Variants in WWOX observed in about 807,000 individuals in gnomAD.
The protein encoded by WWOX is WW domain containing oxidoreductase.
Under a neutral mutation model 46.2 loss-of-function variants are expected in WWOX, and 69 were observed. That is an observed-to-expected ratio of 1.49 (90% confidence interval 1.23 to 1.82). The LOEUF is 1.82. WWOX is among the 40% of genes most tolerant of loss of function. The pLI is 0.00. For synonymous variants in WWOX, 359 were observed against 202.6 expected, an observed-to-expected ratio of 1.77 and a Z score of -6.56; for missense variants, 919 against 542.6, an observed-to-expected ratio of 1.69 and a Z score of -6.89.
At chr16:78,822,854 A>G (rs2051541237) in intron 8 of WWOX, among the ~76,000 whole-genome samples, 1 of 152,124 alleles carries the variant, frequency 6.6e-6, no homozygotes, top group Non-Finnish European at 1.5e-5. Flanking sequence ...GTCATTTGTA[A>G]ATTAGGGAGG....
At chr16:78,995,473 A>G (rs755917208) in intron 8 of WWOX, among the ~76,000 whole-genome samples, 4 of 152,154 alleles carry the variant, frequency 2.6e-5, no homozygotes, top group Non-Finnish European at 5.9e-5. Flanking sequence ...GCCGATTGGT[A>G]AAACCAAGTT....
intron 5 of WWOX, among the ~76,000 whole-genome samples, chr16:78,373,699 T>A (rs2081750302): frequency 6.6e-6 from 1 of 152,198 alleles, no homozygotes; most frequent in South Asian, 2.1e-4. Context: ...TTCATGTTTC[T>A]TTTGATGACT....
chr16:78,746,241 T>G (rs1454585916), intron 8 of WWOX, among the ~76,000 whole-genome samples: 6 of 152,242 alleles, frequency 3.9e-5, no homozygotes, highest in Non-Finnish European at 1.5e-5. Flanking sequence ...CTCACACCTG[T>G]AATTCTAGTG....
chr16:78,673,661 C>G (rs942498305), intron 8 of WWOX, among the ~76,000 whole-genome samples: 1 of 152,160 alleles, frequency 6.6e-6, no homozygotes, highest in African/African-American at 2.4e-5. Flanking sequence ...TTTGGAGCCA[C>G]CATTACGAAG....
chr16:78,779,555 T>G (rs1349008232), intron 8 of WWOX, among the ~76,000 whole-genome samples: 1 of 152,220 alleles, frequency 6.6e-6, no homozygotes, highest in African/African-American at 2.4e-5. Context: ...CTCAGCTCTT[T>G]GTACAGATTG....
At chr16:79,169,074 C>T (rs2050650360) in intron 8 of WWOX, among the ~76,000 whole-genome samples, 1 of 152,188 alleles carries the variant, frequency 6.6e-6, no homozygotes, top group Non-Finnish European at 1.5e-5. Context: ...CGTGTGCTAG[C>T]TGTTTTATAA....
At chr16:79,058,905 A>G (rs2048312479) in intron 8 of WWOX, among the ~76,000 whole-genome samples, 1 of 152,242 alleles carries the variant, frequency 6.6e-6, no homozygotes, top group South Asian at 2.1e-4. Flanking sequence ...TCCTCTCCGT[A>G]CACTTTGGAC....
intron 4 of WWOX, among the ~76,000 whole-genome samples, chr16:78,139,347 TA>T (rs1355708453): frequency 6.6e-6 from 1 of 152,120 alleles, no homozygotes; most frequent in African/African-American, 2.4e-5. Flanking sequence ...TCACATTGTA[TA>T]AAAAGCAGAC....
intron 6 of WWOX, among the ~76,000 whole-genome samples, chr16:78,404,506 CCTT>C (rs1307436247): frequency 1.3e-5 from 2 of 152,058 alleles, no homozygotes; most frequent in East Asian, 3.9e-4. Context: ...CAGGTCTTTC[CCTT>C]CTTCTATTTG....
intron 8 of WWOX, among the ~76,000 whole-genome samples, chr16:78,446,610 G>A (rs964701868): frequency 7.3e-6 from 1 of 136,128 alleles, no homozygotes; most frequent in African/African-American, 2.7e-5. Context: ...CTTATGATAT[G>A]TTTTTCTTAC....
intron 8 of WWOX, among the ~76,000 whole-genome samples, chr16:79,125,616 G>T (rs1361049449): frequency 1.3e-5 from 2 of 152,102 alleles, no homozygotes; most frequent in Admixed American, 6.5e-5. Context: ...GACCCTTCCT[G>T]CATCCTCCCA....
In WWOX at chr16:78,640,226, G is replaced by GT. The variant is rs34129775; in HGVS notation, c.1056+207502dup. Among the ~76,000 whole-genome samples, 595 of 65,386 alleles carry GT rather than the reference G, an allele frequency of 9.1e-3. 29 individuals are homozygous for GT. Among genetic ancestry groups the GT allele is most frequent in the African/African-American group, 0.025 (405 of 16,308 alleles). 42.9% of individuals were successfully genotyped at this position (65,386 alleles called of 152,430 possible). On this transcript the variant is annotated intron_variant, in intron 8 of 8. Transcript: ENST00000566780. ...GTGTGTGTTTTCTTCTTGTTGTTGG[G>GT]TTTTTTTTTTTTTTTTTTTTTTTTT...
chr16:78,509,438 C>CA (rs58555890), intron 8 of WWOX, among the ~76,000 whole-genome samples: 30,466 of 145,642 alleles, frequency 0.21, 3,835 homozygotes, highest in African/African-American at 0.36. Flanking sequence ...GACTCAGTCT[C>CA]AAAAAAAAAA....
intron 8 of WWOX, among the ~76,000 whole-genome samples, chr16:78,776,009 A>G (rs2050181944): frequency 6.6e-6 from 1 of 152,320 alleles, no homozygotes; most frequent in Middle Eastern, 3.4e-3. Context: ...TTTTCTCTGC[A>G]GGACACAGCT....
At position 78,893,038 on chromosome 16, in the gene WWOX, C is replaced by A. The variant is rs539548767; in HGVS notation, c.1057-318570C>A. Among the ~76,000 whole-genome samples, 6 of 152,246 alleles carry A rather than the reference C, an allele frequency of 3.9e-5. No individual in the cohort carries two copies. The East Asian group carries it at 9.7e-4, about 24-fold the overall frequency. On this transcript the variant is annotated intron_variant, in intron 8 of 8. Coordinates refer to ENST00000566780, the MANE Select transcript of WWOX (RefSeq NM_016373.4). Reference sequence around the variant, plus strand: ...CTTCTCTGGTAGCAGAGCAGGGGTCCTCAAAGCAGACCGTGAGGTCAGAGG... The same window carrying A: ...CTTCTCTGGTAGCAGAGCAGGGGTCATCAAAGCAGACCGTGAGGTCAGAGG...
At chr16:78,544,843 C>G (rs201349217) in intron 8 of WWOX, among the ~76,000 whole-genome samples, 1 of 152,108 alleles carries the variant, frequency 6.6e-6, no homozygotes. Flanking sequence ...CCACTGCACT[C>G]TAGCATGCGT....
intron 5 of WWOX, among the ~76,000 whole-genome samples, chr16:78,318,272 A>ATTTTTTTTTTTTTTTTTTTT (rs34730954): frequency 1.1e-4 from 13 of 123,548 alleles, no homozygotes; most frequent in African/African-American, 4.2e-4. Flanking sequence ...TCTGGGAGGA[A>ATTTTTTTTTTTTTTTTTTTT]TTTTTTTTTT....
At chr16:78,680,739 TAG>T (rs994900941) in intron 8 of WWOX, among the ~76,000 whole-genome samples, 11 of 152,168 alleles carry the variant, frequency 7.2e-5, no homozygotes, top group African/African-American at 2.2e-4. Context: ...TCCGTGACAG[TAG>T]AGTGTCCCAT....
chr16:78,196,420 TC>T (rs1271788873), intron 5 of WWOX, among the ~76,000 whole-genome samples: 1 of 152,216 alleles, frequency 6.6e-6, no homozygotes, highest in Non-Finnish European at 1.5e-5. Flanking sequence ...TAACCAAGGC[TC>T]CTTTTGCAAA....
Sources: gnomAD v4.1 joint callset for allele counts (sites outside exome capture counted in the v4.1 genomes callset) on GRCh38, gnomAD v4.1.1 for gene constraint, MANE v1.5 for transcripts, NCBI Gene and HGNC (gene_info 2026-07-23, HGNC 2026-07-21) for gene names.